The following DNM1L variants were observed in gnomAD, a reference collection of about 807,000 sequenced individuals.
The protein encoded by DNM1L is dynamin 1L.
DNM1L carries 33 observed loss-of-function variants against 92.8 expected under a neutral mutation model. That is an observed-to-expected ratio of 0.36 (90% CI 0.27 to 0.48). DNM1L has a LOEUF of 0.48. Among genes scored for constraint, DNM1L ranks in the 20% least tolerant of loss-of-function variants. DNM1L has a pLI of 0.99. For synonymous variants in DNM1L, 284 were observed against 305.0 expected, an observed-to-expected ratio of 0.93 and a Z score of 0.72; for missense variants, 485 against 888.8, an observed-to-expected ratio of 0.55 and a Z score of 5.78.
chr12:32,703,601 A>G (rs1005216646), intron 2 of DNM1L, among the ~76,000 whole-genome samples: 3 of 101,212 alleles, frequency 3.0e-5, no homozygotes, highest in African/African-American at 1.6e-4. Context: ...GAAAGGGAAG[A>G]AACATAAACT....
At chr12:32,742,979 G>A (rs1325279074) in intron 19 of DNM1L, among the ~76,000 whole-genome samples, 8 of 134,984 alleles carry the variant, frequency 5.9e-5, no homozygotes, top group South Asian at 5.0e-4. Flanking sequence ...CACTGCAAGC[G>A]CCGCCTCCCA....
chr12:32,691,991 G>A (rs1001151327), intron 1 of DNM1L, among the ~76,000 whole-genome samples: 1 of 142,432 alleles, frequency 7.0e-6, no homozygotes, highest in African/African-American at 2.9e-5. Context: ...TCTTAAACGG[G>A]AAAGAGAATC....
At chr12:32,716,721 A>T (rs1299932025) in intron 6 of DNM1L, among the ~76,000 whole-genome samples, 1 of 143,446 alleles carries the variant, frequency 7.0e-6, no homozygotes, top group Admixed American at 7.2e-5. Context: ...CTATATATAG[A>T]GTATATATAC....
intron 9 of DNM1L, among the ~76,000 whole-genome samples, chr12:32,730,464 A>G (rs1954479491): frequency 6.6e-6 from 1 of 152,234 alleles, no homozygotes; most frequent in Admixed American, 6.5e-5. Flanking sequence ...GCACTTTGGG[A>G]GGTCAAGGCG....
chr12:32,703,618 A>G (rs1356875082), intron 2 of DNM1L, among the ~76,000 whole-genome samples: 2 of 151,466 alleles, frequency 1.3e-5, no homozygotes, highest in East Asian at 1.9e-4. Flanking sequence ...AACTTTCAAA[A>G]AAAAAAAAAA....
chr12:32,737,996 A>G, intron 15 of DNM1L, 54 bp downstream of exon 15: 2 of 1,559,026 alleles, frequency 1.3e-6, no homozygotes. Flanking sequence ...GGTACAACAT[A>G]ATCTTCTGGA....
At chr12:32,699,831 T>C (rs1036354946) in intron 1 of DNM1L, among the ~76,000 whole-genome samples, 1 of 151,294 alleles carries the variant, frequency 6.6e-6, no homozygotes, top group Non-Finnish European at 1.5e-5. Flanking sequence ...CAATGATGTT[T>C]AATACTGATG....
chr12:32,700,662 C>T (rs190546779), intron 1 of DNM1L, among the ~76,000 whole-genome samples: 4 of 151,992 alleles, frequency 2.6e-5, no homozygotes, highest in African/African-American at 2.4e-5. Context: ...GGAGGATCAC[C>T]GGATCCTGGG....
chr12:32,742,838 A>AGTCT lies in DNM1L; in HGVS notation c.2154+91_2154+94dup, dbSNP rs923801724. 5.3e-6 allele frequency: 7 copies of AGTCT among 1,327,066 alleles called. No individual in the cohort carries two copies. In the African/African-American group the frequency reaches 1.0e-4, roughly 20 times the overall value. The allele number at this position is 1,327,066 out of a possible 1,614,324, so 82.2% of individuals were successfully genotyped here. A position where few individuals can be genotyped will look rare whatever the true frequency, so the allele number is the denominator to read the frequency against. On this transcript the variant is annotated intron_variant, in intron 19 of 19. Coordinates refer to ENST00000549701, the MANE Select transcript of DNM1L (RefSeq NM_012062.5). ...TGCAGTTTGATTCTTGGATATGTAT[A>AGTCT]GTCTTTATATTCTAGCTAGGCTTGT...
chr12:32,733,844 A>G (rs961719281), intron 13 of DNM1L, 37 bp downstream of exon 13: 5 of 1,577,178 alleles, frequency 3.2e-6, no homozygotes, highest in Non-Finnish European at 3.5e-6. Flanking sequence ...CACAGGTAGA[A>G]AAATCTGTTG....
chr12:32,679,711 GC>G (rs918189484), intron 1 of DNM1L: 64 of 1,206,146 alleles, frequency 5.3e-5, no homozygotes, highest in Non-Finnish European at 6.6e-5. Context: ...GGCGGGCCTG[GC>G]TAGCCCGGCG....
chr12:32,723,865 A>G (rs2137456114), intron 9 of DNM1L, among the ~76,000 whole-genome samples: 1 of 152,316 alleles, frequency 6.6e-6, no homozygotes. Flanking sequence ...GATTTCCAGT[A>G]GTAAGTTAAA....
intron 1 of DNM1L, among the ~76,000 whole-genome samples, chr12:32,687,757 GATTTATT>G (rs1952080348): frequency 6.6e-6 from 1 of 151,708 alleles, no homozygotes; most frequent in Non-Finnish European, 1.5e-5. Flanking sequence ...GCCAGCCAAA[GATTTATT>G]ATATGGGTTT....
chr12:32,684,981 A>G (rs1223019409), intron 1 of DNM1L, among the ~76,000 whole-genome samples: 3 of 148,284 alleles, frequency 2.0e-5, no homozygotes, highest in Non-Finnish European at 3.0e-5. Context: ...GCTCTGTCAC[A>G]CAGGCTGGAA....
At chr12:32,712,672 A>AAAAAAAG (rs1555119036) in intron 5 of DNM1L, among the ~76,000 whole-genome samples, 8 of 148,140 alleles carry the variant, frequency 5.4e-5, no homozygotes, top group Non-Finnish European at 7.6e-5. Context: ...AAAAAAAAAA[A>AAAAAAAG]AAAAAAGAAA....
intron 1 of DNM1L, among the ~76,000 whole-genome samples, chr12:32,686,504 CTGTTA>C (rs1952020056): frequency 6.6e-6 from 1 of 152,158 alleles, no homozygotes; most frequent in Non-Finnish European, 1.5e-5. Context: ...GAGTAATATT[CTGTTA>C]TATGTATAAA....
intron 4 of DNM1L, among the ~76,000 whole-genome samples, chr12:32,710,618 C>CA (rs72384937): frequency 0.014 from 1,213 of 88,692 alleles, 5 homozygotes; most frequent in African/African-American, 0.024. Flanking sequence ...GACCTTGTCT[C>CA]AAAAAAAAAA....
intron 1 of DNM1L, among the ~76,000 whole-genome samples, chr12:32,681,567 C>G (rs1302063011): frequency 2.1e-5 from 3 of 140,744 alleles, no homozygotes; most frequent in Non-Finnish European, 3.1e-5. Context: ...CCCACACCGC[C>G]CCCCCCGCCC....
At chr12:32,702,233 CA>C (rs1179046487) in intron 2 of DNM1L, among the ~76,000 whole-genome samples, 1,412 of 81,288 alleles carry the variant, frequency 0.017, 13 homozygotes, top group African/African-American at 0.05. Context: ...GACTCCGTCT[CA>C]AAAAAAAAAA....
Sources: gnomAD v4.1 joint callset for allele counts (sites outside exome capture counted in the v4.1 genomes callset) on GRCh38, gnomAD v4.1.1 for gene constraint, MANE v1.5 for transcripts, NCBI Gene and HGNC (gene_info 2026-07-23, HGNC 2026-07-21) for gene names.